The following NHLRC2 variants were observed in gnomAD, a reference collection of about 807,000 sequenced individuals.
NHLRC2 encodes the protein NHL repeat containing 2, also known as NHL repeat-containing protein 2.
NHLRC2 carries 33 observed loss-of-function variants against 68.1 expected under a neutral mutation model. The ratio of observed to expected loss-of-function variants is 0.48; its 90% CI spans 0.37 to 0.65. The LOEUF (loss-of-function observed/expected upper bound fraction) is 0.65. NHLRC2 is among the 30% of genes least tolerant of loss of function. The pLI, the probability that NHLRC2 is intolerant of heterozygous loss-of-function variation, is 0.00. For missense variants in NHLRC2, 761 were observed against 853.8 expected (o/e 0.89, Z 1.35); for synonymous variants, 311 against 309.6 (o/e 1.00, Z -0.05).
rs1272669747 is a variant in NHLRC2 at position 113,909,023 on chromosome 10, CAA to C, written c.*494_*495del. 1.3e-5 allele frequency: 2 copies of C among 154,368 alleles called. No individual in the cohort carries two copies. Among genetic ancestry groups the C allele is most frequent in the African/African-American group, 4.8e-5 (2 of 41,336 alleles). The allele number at this position is 154,368 out of a possible 1,614,324, so 9.6% of individuals were successfully genotyped here. On this transcript the variant is annotated 3_prime_UTR_variant, in exon 11 of 11. Transcript: ENST00000369301. Reference sequence around the variant, plus strand: ...TCAAGGCATAAAGTCTGTTGTAAGCCAAAAAAAAGTCTTTTCATCACTGTAGA... The same window carrying C: ...TCAAGGCATAAAGTCTGTTGTAAGCCAAAAAAGTCTTTTCATCACTGTAGA...
At position 113,890,276 on chromosome 10, in the gene NHLRC2, C is replaced by T. The variant is rs149663042; in HGVS notation, c.1039+5896C>T. Among the ~76,000 whole-genome samples the T allele has an allele frequency of 5.5e-3, 835 of 152,222 alleles. 7 individuals are homozygous for T. The highest frequency in any genetic ancestry group is 0.018 in the African/African-American group (753 of 41,520). On this transcript the variant is annotated intron_variant, in intron 5 of 10. Coordinates refer to ENST00000369301, the MANE Select transcript of NHLRC2 (RefSeq NM_198514.4). ...TCATTTTTGAAAGTTATTTTTATTG[C>T]GTATGTGAATCTGGATTAACATTTT...
Position 113,901,687 on chromosome 10 carries a change from C to A in NHLRC2, c.1161C>A (p.Cys387Ter), listed in dbSNP as rs1846230238. The change falls in exon 7 of 11, where the codon TGC (cysteine) becomes TGA (stop). Residue 387 changes from cysteine to a stop codon, truncating the protein, a stop_gained. Transcript: ENST00000369301. LOFTEE classifies it high-confidence loss of function. ...PKKNELTKGT[C>*]LRFAGSGNEE... ...TCAGTGAGTTAACAAAAGGAACCTG[C>A]CTTAGGTTTGCTGGAAGTGGAAATG... The A allele has an allele frequency of 6.2e-7, 1 of 1,613,842 alleles. No individual in the cohort carries two copies. The highest frequency in any genetic ancestry group is 8.5e-7 in the Non-Finnish European group (1 of 1,179,820).
At position 113,915,457 on chromosome 10, in the gene NHLRC2, G is replaced by T; in HGVS notation, c.*6921G>T. The T allele has an allele frequency of 2.9e-6, 1 of 345,902 alleles. No homozygotes were observed. Among genetic ancestry groups the T allele is most frequent in the Non-Finnish European group, 5.7e-6 (1 of 176,336 alleles). The allele number at this position is 345,902 out of a possible 1,614,324, so 21.4% of individuals were successfully genotyped here. On this transcript the variant is annotated 3_prime_UTR_variant, in exon 11 of 11. Transcript: ENST00000369301. ...AAATGGTCAGTTATTTTTTAATGTT[G>T]AAAACTTCCAAGTGTGAATAATACG... is the stretch of plus-strand genomic sequence containing the variant.
chr10:113,856,682 A>T (rs1404114716), intron 1 of NHLRC2, among the ~76,000 whole-genome samples: 2 of 152,056 alleles, frequency 1.3e-5, no homozygotes, highest in African/African-American at 4.8e-5. Context: ...GACCTCTGTG[A>T]CTCATAACTA....
intron 5 of NHLRC2, among the ~76,000 whole-genome samples, chr10:113,890,455 G>A (rs1325967509): frequency 6.6e-6 from 1 of 152,006 alleles, no homozygotes; most frequent in East Asian, 1.9e-4. Context: ...GTTTTCAGCA[G>A]TTTGATATAT....
intron 5 of NHLRC2, among the ~76,000 whole-genome samples, chr10:113,890,525 A>G (rs1353331566): frequency 6.6e-6 from 1 of 152,030 alleles, no homozygotes; most frequent in Admixed American, 6.6e-5. Context: ...TATTGTCAAG[A>G]AATTCTCACT....
chr10:113,901,994 C>T (rs1162798357), intron 7 of NHLRC2, 97 bp downstream of exon 7: 1 of 829,538 alleles, frequency 1.2e-6, no homozygotes, highest in African/African-American at 1.7e-5. Flanking sequence ...AGAGACCATC[C>T]TTGGCCTATC....
At chr10:113,862,900 G>C (rs996342540) in intron 2 of NHLRC2, among the ~76,000 whole-genome samples, 20 of 152,226 alleles carry the variant, frequency 1.3e-4, no homozygotes, top group African/African-American at 4.8e-4. Context: ...CAGCTACTCA[G>C]GAGGCTGAGG....
chr10:113,891,901 G>C (rs1051968417), intron 5 of NHLRC2, among the ~76,000 whole-genome samples: 1 of 152,166 alleles, frequency 6.6e-6, no homozygotes, highest in Non-Finnish European at 1.5e-5. Context: ...AATCTGTCTT[G>C]TGTCTGTGAT....
Position 113,854,714 on chromosome 10 carries a change from C to T in NHLRC2, c.-159C>T, listed in dbSNP as rs1005471041. 6.5e-6 allele frequency: 4 copies of T among 615,704 alleles called. No homozygotes were observed. Among genetic ancestry groups the T allele is most frequent in the South Asian group, 6.4e-5 (3 of 47,234 alleles). The allele number at this position is 615,704 out of a possible 1,614,324, so 38.1% of individuals were successfully genotyped here. On this transcript the variant is annotated 5_prime_UTR_variant, in exon 1 of 11. Transcript: ENST00000369301. ...CGATTTGGACTTTTGGCACTTGGACCTATGCTTTAAAAAGAAAAAAGTGTC... is the reference window on the plus strand; with the variant it reads ...CGATTTGGACTTTTGGCACTTGGACTTATGCTTTAAAAAGAAAAAAGTGTC...
At position 113,913,898 on chromosome 10, in the gene NHLRC2, A is replaced by C. The variant is rs1410874530; in HGVS notation, c.*5362A>C. Reference sequence around the variant, plus strand: ...AGTCTCACTCTGTCACCCAGGCTGGAGTGCAAGGGTACAATCTCAGCTCAC... The same window carrying C: ...AGTCTCACTCTGTCACCCAGGCTGGCGTGCAAGGGTACAATCTCAGCTCAC... On this transcript the variant is annotated 3_prime_UTR_variant, in exon 11 of 11. Transcript: ENST00000369301. 7.8e-6 allele frequency: 1 copy of C among 127,468 alleles called. No individual in the cohort carries two copies. Among genetic ancestry groups the C allele is most frequent in the Non-Finnish European group, 1.6e-5 (1 of 64,410 alleles). 7.9% of individuals were successfully genotyped at this position (127,468 alleles called of 1,614,324 possible). A position where few individuals can be genotyped will look rare whatever the true frequency, so the allele number is the denominator to read the frequency against.
intron 2 of NHLRC2, 102 bp from the exon 3 acceptor site, chr10:113,876,419 T>C: frequency 1.5e-6 from 1 of 646,100 alleles, no homozygotes; most frequent in East Asian, 2.9e-5. Context: ...TTTTTTTTAA[T>C]CTATGGACTT....
At position 113,901,999 on chromosome 10, in the gene NHLRC2, C is replaced by T. The variant is rs370779997; in HGVS notation, c.1371+102C>T. 6.3e-6 allele frequency: 5 copies of T among 795,962 alleles called. No individual in the cohort carries two copies. The African/African-American group carries it at 8.6e-5, about 14-fold the overall frequency. 49.3% of individuals were successfully genotyped at this position (795,962 alleles called of 1,614,324 possible). A position where few individuals can be genotyped will look rare whatever the true frequency, so the allele number is the denominator to read the frequency against. On this transcript the variant is annotated intron_variant, in intron 7 of 10. Coordinates refer to ENST00000369301, the MANE Select transcript of NHLRC2 (RefSeq NM_198514.4). ...AAGATTTAAGAGAGACCATCCTTGG[C>T]CTATCTGCGAATCAAAATGAAAGTC...
intron 6 of NHLRC2, among the ~76,000 whole-genome samples, chr10:113,899,272 G>A (rs1056037167): frequency 3.9e-5 from 6 of 152,122 alleles, no homozygotes; most frequent in Non-Finnish European, 7.3e-5. Context: ...GCTCAGTAAC[G>A]GTTTGAGGAT....
chr10:113,898,938 G>C (rs766322339), intron 6 of NHLRC2, among the ~76,000 whole-genome samples: 9 of 152,120 alleles, frequency 5.9e-5, no homozygotes, highest in South Asian at 2.1e-4. Context: ...TAGCTTTGCT[G>C]TCACAAGGAT....
chr10:113,859,118 G>A (rs1845791658), intron 2 of NHLRC2, among the ~76,000 whole-genome samples: 1 of 152,010 alleles, frequency 6.6e-6, no homozygotes, highest in Admixed American at 6.6e-5. Flanking sequence ...GAACTGCAGT[G>A]GAATGCAAAA....
intron 6 of NHLRC2, 45 bp from the exon 7 acceptor site, chr10:113,901,621 C>T (rs770773455): frequency 6.6e-6 from 8 of 1,218,104 alleles, no homozygotes; most frequent in African/African-American, 3.0e-5. Context: ...AAATTGCACA[C>T]AATATACCAC....
At position 113,889,506 on chromosome 10, in the gene NHLRC2, C is replaced by G. The variant is rs556336064; in HGVS notation, c.1039+5126C>G. Among the ~76,000 whole-genome samples the G allele has an allele frequency of 3.3e-5, 5 of 152,104 alleles. No individual in the cohort carries two copies. In the South Asian group the frequency reaches 1.0e-3, roughly 32 times the overall value. Reference sequence around the variant, plus strand: ...GTTAAAATAAGTTATATCTTTATGTCTAAAATTTGAGAGAAGATTCTTATA... The same window carrying G: ...GTTAAAATAAGTTATATCTTTATGTGTAAAATTTGAGAGAAGATTCTTATA... On this transcript the variant is annotated intron_variant, in intron 5 of 10. Coordinates refer to ENST00000369301, the MANE Select transcript of NHLRC2 (RefSeq NM_198514.4).
chr10:113,900,242 A>G (rs1564858278), intron 6 of NHLRC2, among the ~76,000 whole-genome samples: 2 of 152,222 alleles, frequency 1.3e-5, no homozygotes, highest in South Asian at 4.1e-4. Context: ...GTGGAACAAG[A>G]CTAGAGACAG....
Sources: gnomAD v4.1 joint callset for allele counts (sites outside exome capture counted in the v4.1 genomes callset) on GRCh38, gnomAD v4.1.1 for gene constraint, MANE v1.5 for transcripts, NCBI Gene and HGNC (gene_info 2026-07-23, HGNC 2026-07-21) for gene names.